Variants in ETS1 observed in about 807,000 individuals in gnomAD.
ETS1 encodes protein C-ets-1.
A neutral mutation model predicts 58.6 loss-of-function variants in ETS1; 15 were observed. The ratio of observed to expected loss-of-function variants is 0.26; its 90% CI spans 0.17 to 0.39. The LOEUF (loss-of-function observed/expected upper bound fraction) is 0.39, where lower values mean the gene tolerates loss of function less well. Ranked by LOEUF, ETS1 falls within the 10% of genes least tolerant of loss-of-function variation. ETS1 has a pLI of 1.00. For missense variants in ETS1, 417 were observed against 610.5 expected (o/e 0.68, Z 3.34); for synonymous variants, 214 against 218.2 (o/e 0.98, Z 0.17).
intron 3 of ETS1, among the ~76,000 whole-genome samples, chr11:128,515,024 T>C (rs924982921): frequency 3.3e-5 from 5 of 152,200 alleles, no homozygotes; most frequent in Non-Finnish European, 7.3e-5. Flanking sequence ...ACCATTCCTT[T>C]CCTCCCCTTC....
intron 2 of ETS1, among the ~76,000 whole-genome samples, chr11:128,571,608 C>A (rs1487952130): frequency 1.4e-5 from 2 of 147,020 alleles, no homozygotes; most frequent in African/African-American, 5.0e-5. Flanking sequence ...CTGTGTCATA[C>A]TTAACTTTAA....
intron 2 of ETS1, among the ~76,000 whole-genome samples, chr11:128,571,432 CGAGACTCCGTCCAGCCTGGGCGACAG>C (rs1864627067): frequency 1.4e-5 from 2 of 142,696 alleles, no homozygotes; most frequent in African/African-American, 5.2e-5. Flanking sequence ...GGCGACAGAG[CGAGACTCCGTCCAGCCTGGGCGACAG>C]AGCGAGACTC....
chr11:128,473,554 A>T (rs1862243674), intron 8 of ETS1, among the ~76,000 whole-genome samples: 1 of 151,932 alleles, frequency 6.6e-6, no homozygotes, highest in South Asian at 2.1e-4. Context: ...TCTCAATTCT[A>T]CAGGGATGGC....
At chr11:128,521,831 A>C in intron 3 of ETS1, 1 of 1,096,122 alleles carries the variant, frequency 9.1e-7, no homozygotes, top group Non-Finnish European at 1.3e-6. Context: ...CCAGAAGGGA[A>C]CGGCGAAAGG....
intron 7 of ETS1, 52 bp from the exon 8 acceptor site, chr11:128,480,503 A>AG (rs758294867): frequency 7.8e-7 from 1 of 1,281,056 alleles, no homozygotes; most frequent in Non-Finnish European, 1.1e-6. Flanking sequence ...GGGAGTGGGA[A>AG]AAAAAAAAAA....
intron 3 of ETS1, among the ~76,000 whole-genome samples, chr11:128,504,327 C>T (rs1294230066): frequency 1.3e-5 from 2 of 152,204 alleles, no homozygotes; most frequent in Non-Finnish European, 2.9e-5. Flanking sequence ...CATTTCCCTG[C>T]CTCTGTCCCT....
At chr11:128,497,430 G>A (rs888766669) in intron 3 of ETS1, 1 of 199,566 alleles carries the variant, frequency 5.0e-6, no homozygotes, top group African/African-American at 2.4e-5. Flanking sequence ...AAAGAAGCCT[G>A]TAGAGAGGGC....
At position 128,486,068 on chromosome 11, in the gene ETS1, C is replaced by T; in HGVS notation, c.613+1G>A. 1 of 1,596,472 alleles carries T rather than the reference C, an allele frequency of 6.3e-7. No individual in the cohort carries two copies. The highest frequency in any genetic ancestry group is 8.6e-7 in the Non-Finnish European group (1 of 1,164,114). On this transcript the variant is annotated splice_donor_variant, in intron 6 of 9. Coordinates refer to ENST00000392668, the MANE Select transcript of ETS1 (RefSeq NM_001143820.2). LOFTEE classifies it high-confidence loss of function. Reference sequence around the variant, plus strand: ...GAGAAGAGGGGTAGAAATGAACTTACTAATGAAGTAATCCGAGGTATAGCG... The same window carrying T: ...GAGAAGAGGGGTAGAAATGAACTTATTAATGAAGTAATCCGAGGTATAGCG...
Position 128,556,374 on chromosome 11 carries a change from T to A in ETS1, c.131A>T (p.Tyr44Phe). 6.2e-7 allele frequency: 1 copy of A among 1,613,580 alleles called. No individual in the cohort carries two copies. The highest frequency in any genetic ancestry group is 8.5e-7 in the Non-Finnish European group (1 of 1,179,500). The change falls in exon 3 of 10, where the codon TAT becomes TTT. Residue 44 changes from tyrosine to phenylalanine, a missense_variant. Tyr to Phe is a conservative substitution (Grantham distance 22, BLOSUM62 3). Around this residue, in one of 4 missense-constraint regions of ETS1, gnomAD observed 90 missense variants for 90.3 expected, o/e 1.00. Transcript: ENST00000392668. ...GGGGTAGCAAGGTCTTTGCTGGTGA[T>A]AATTGGACTGGAAACCACAGTTCAT... The part of the protein sequence containing the change: ...PRMNCGFQSN[Y>F]HQQRPCYPFW...
intron 7 of ETS1, among the ~76,000 whole-genome samples, chr11:128,483,671 C>T (rs1397566629): frequency 1.3e-5 from 2 of 152,188 alleles, no homozygotes; most frequent in African/African-American, 4.8e-5. Context: ...TGTTGGTGAT[C>T]CCTAGGCCTG....
intron 1 of ETS1, among the ~76,000 whole-genome samples, chr11:128,579,931 T>G (rs955194119): frequency 6.6e-6 from 1 of 151,876 alleles, no homozygotes; most frequent in Non-Finnish European, 1.5e-5. Flanking sequence ...TGCCCCTCCA[T>G]GGGATTTACT....
intron 8 of ETS1, among the ~76,000 whole-genome samples, chr11:128,469,230 G>T (rs956035724): frequency 2.0e-5 from 3 of 152,164 alleles, no homozygotes; most frequent in African/African-American, 7.2e-5. Context: ...ACCTCGGTGT[G>T]GGCAGGACAC....
intron 3 of ETS1, among the ~76,000 whole-genome samples, chr11:128,537,933 C>T (rs187090744): frequency 9.7e-4 from 148 of 152,228 alleles, no homozygotes; most frequent in African/African-American, 3.4e-3. Flanking sequence ...AAGATGACTT[C>T]AGGAATAATA....
rs527294442 is a variant in ETS1, at chr11:128,512,751, G to C, written c.215-22175C>G. 2.3e-4 allele frequency among the ~76,000 whole-genome samples: 35 copies of C among 152,394 alleles called. 1 individual carries two copies. In the East Asian group the frequency reaches 2.7e-3, roughly 12 times the overall value. The stretch of plus-strand genomic sequence containing the variant: ...GCCAGGGCCCTGACTTACTGGGCCT[G>C]TCAGGAAGAGGCACTGCCGTGGCTA... On this transcript the variant is annotated intron_variant, in intron 3 of 9. Transcript: ENST00000392668.
chr11:128,480,038 G>C (rs1862438057), intron 8 of ETS1, among the ~76,000 whole-genome samples, 153 bp downstream of exon 8: 1 of 151,888 alleles, frequency 6.6e-6, no homozygotes, highest in African/African-American at 2.4e-5. Context: ...AGTGGCTGGA[G>C]AGAGACTAAA....
At chr11:128,560,556 A>G (rs972389844) in intron 2 of ETS1, among the ~76,000 whole-genome samples, 6 of 152,190 alleles carry the variant, frequency 3.9e-5, no homozygotes, top group Non-Finnish European at 8.8e-5. Flanking sequence ...CAGAATTCTA[A>G]CCCAAGTCTA....
intron 3 of ETS1, among the ~76,000 whole-genome samples, chr11:128,540,140 T>C (rs1266955209): frequency 1.3e-5 from 2 of 152,044 alleles, no homozygotes; most frequent in African/African-American, 2.4e-5. Flanking sequence ...GGTGAAACCT[T>C]GTCTCTATTA....
At chr11:128,520,475 A>G in intron 3 of ETS1, among the ~76,000 whole-genome samples, 1 of 152,192 alleles carries the variant, frequency 6.6e-6, no homozygotes, top group East Asian at 1.9e-4. Context: ...TTTGATGTGA[A>G]CTATCTTTTC....
intron 3 of ETS1, among the ~76,000 whole-genome samples, chr11:128,503,302 C>A (rs1863138515): frequency 1.3e-5 from 2 of 152,208 alleles, no homozygotes; most frequent in African/African-American, 4.8e-5. Flanking sequence ...ACAGAGCAGG[C>A]ACATGCTGGA....
Sources: allele counts gnomAD v4.1 joint callset (sites outside exome capture counted in the v4.1 genomes callset), GRCh38; gene constraint gnomAD v4.1.1; regional missense constraint gnomAD v4.1.1; transcripts MANE v1.5; gene names NCBI Gene and HGNC (gene_info 2026-07-23, HGNC 2026-07-21).